ZNF536: variants seen among roughly 807,000 people sequenced by gnomAD.
ZNF536 encodes zinc finger protein 536.
Under a neutral mutation model 84.5 loss-of-function variants are expected in ZNF536, and 13 were observed. That is an observed-to-expected ratio of 0.15 (90% CI 0.10 to 0.24). The LOEUF (loss-of-function observed/expected upper bound fraction) is 0.24. ZNF536 is among the 10% of genes least tolerant of loss of function. The pLI is 1.00. For missense variants in ZNF536, 1,536 were observed against 1,747.5 expected (o/e 0.88, Z 2.16); for synonymous variants, 811 against 742.5 (o/e 1.09, Z -1.50).
intron 3 of ZNF536, among the ~76,000 whole-genome samples, chr19:30,539,129 A>T (rs1027282137): frequency 6.6e-6 from 1 of 152,054 alleles, no homozygotes; most frequent in Admixed American, 6.6e-5. Flanking sequence ...CCCCCCCCAC[A>T]CACACACACG....
At chr19:30,580,428 T>G (rs1398962345) in intron 1 of ZNF536, among the ~76,000 whole-genome samples, 1 of 152,204 alleles carries the variant, frequency 6.6e-6, no homozygotes, top group African/African-American at 2.4e-5. Flanking sequence ...GTGGGTGTAC[T>G]CAGCACAACT....
intron 1 of ZNF536, among the ~76,000 whole-genome samples, chr19:30,240,929 ACT>A (rs1305137322): frequency 1.3e-5 from 2 of 152,148 alleles, no homozygotes; most frequent in African/African-American, 4.8e-5. Flanking sequence ...GAGATTTGGA[ACT>A]GTTTGGGGTC....
chr19:30,252,721 G>T (rs1394886462), intron 1 of ZNF536, among the ~76,000 whole-genome samples: 1 of 152,184 alleles, frequency 6.6e-6, no homozygotes, highest in Non-Finnish European at 1.5e-5. Flanking sequence ...AGCTGGGTTG[G>T]AGACCAAGAT....
chr19:30,592,691 GT>G (rs67892314), intron 1 of ZNF536, among the ~76,000 whole-genome samples: 3,626 of 143,206 alleles, frequency 0.025, 131 homozygotes, highest in African/African-American at 0.084. Flanking sequence ...TATCTTCTGG[GT>G]TTTTTTTTTT....
At chr19:30,678,598 T>C (rs912010130) in intron 1 of ZNF536, among the ~76,000 whole-genome samples, 26 of 152,188 alleles carry the variant, frequency 1.7e-4, no homozygotes, top group African/African-American at 5.8e-4. Context: ...GGCATGATAT[T>C]GCTCTTGAAA....
intron 2 of ZNF536, among the ~76,000 whole-genome samples, chr19:30,504,489 T>C (rs2055082997): frequency 9.1e-6 from 1 of 110,018 alleles, no homozygotes; most frequent in Admixed American, 9.4e-5. Context: ...TCTCCCTTCC[T>C]CCCTCCCACC....
chr19:30,435,775 C>G (rs1369089614), intron 1 of ZNF536, among the ~76,000 whole-genome samples: 1 of 152,138 alleles, frequency 6.6e-6, no homozygotes, highest in Non-Finnish European at 1.5e-5. Flanking sequence ...CAGAAGTCTT[C>G]TCTACTCAGA....
At chr19:30,591,348 G>A (rs531568156) in intron 1 of ZNF536, among the ~76,000 whole-genome samples, 1 of 152,144 alleles carries the variant, frequency 6.6e-6, no homozygotes, top group Non-Finnish European at 1.5e-5. Context: ...AAAGGCAAGA[G>A]GTTTAATGGA....
rs543997083 is a variant in ZNF536 at position 30,484,921 on chromosome 19, A to G, written c.2170+39189A>G. ...CACTTTGGGAGGCCGAGGAGGGTGG[A>G]TCACCAGGTCAGGAAATCAAGACCA... On this transcript the variant is annotated intron_variant, in intron 2 of 4. Coordinates refer to ENST00000355537, the MANE Select transcript of ZNF536 (RefSeq NM_014717.3). Among the ~76,000 whole-genome samples the G allele has an allele frequency of 1.8e-3, 275 of 152,048 alleles. 1 individual carries two copies. The highest frequency in any genetic ancestry group is 6.2e-3 in the African/African-American group (257 of 41,510).
chr19:30,491,699 G>T (rs2054515838), intron 2 of ZNF536, among the ~76,000 whole-genome samples: 1 of 152,196 alleles, frequency 6.6e-6, no homozygotes, highest in African/African-American at 2.4e-5. Flanking sequence ...ATAGGTGCTA[G>T]AAATCACAAT....
intron 2 of ZNF536, among the ~76,000 whole-genome samples, chr19:30,483,262 C>T (rs1331817441): frequency 1.3e-5 from 2 of 152,196 alleles, no homozygotes; most frequent in African/African-American, 4.8e-5. Flanking sequence ...GGTCAGTGAG[C>T]AAGGTGGCTC....
At chr19:30,260,068 G>A (rs917515300) in intron 1 of ZNF536, among the ~76,000 whole-genome samples, 5 of 151,968 alleles carry the variant, frequency 3.3e-5, no homozygotes, top group Admixed American at 6.6e-5. Context: ...CCCAGCTATT[G>A]GATGCTTCTT....
intron 1 of ZNF536, among the ~76,000 whole-genome samples, chr19:30,638,634 C>A (rs2049157378): frequency 6.6e-6 from 1 of 152,194 alleles, no homozygotes; most frequent in Non-Finnish European, 1.5e-5. Context: ...CCAGGCCCCA[C>A]CTCCAACATT....
chr19:30,257,960 C>T (rs2024998593), intron 1 of ZNF536, among the ~76,000 whole-genome samples: 1 of 152,186 alleles, frequency 6.6e-6, no homozygotes, highest in South Asian at 2.1e-4. Context: ...CATCCTGTCA[C>T]TAGGGTTTTT....
At chr19:30,377,172 G>A (rs1324688540) in intron 1 of ZNF536, among the ~76,000 whole-genome samples, 1 of 152,134 alleles carries the variant, frequency 6.6e-6, no homozygotes, top group Non-Finnish European at 1.5e-5. Context: ...TAGACTGAAG[G>A]CCTCATGAGG....
chr19:30,380,180 T>A lies in ZNF536; in HGVS notation c.-3+7624T>A, dbSNP rs187749778. On this transcript the variant is annotated intron_variant, in intron 1 of 4. Coordinates refer to ENST00000355537, the MANE Select transcript of ZNF536 (RefSeq NM_014717.3). ...GCATTCTTCAGGGAGGGCCTTTCTGTGAAAACAGATTTTTTTTTTTGCCAG... is the reference window on the plus strand; with the variant it reads ...GCATTCTTCAGGGAGGGCCTTTCTGAGAAAACAGATTTTTTTTTTTGCCAG... Among the ~76,000 whole-genome samples the A allele has an allele frequency of 7.2e-5, 11 of 152,238 alleles. No individual in the cohort carries two copies. The East Asian group carries it at 2.1e-3, about 29-fold the overall frequency.
chr19:30,541,738 G>A (rs2045340012), intron 3 of ZNF536, among the ~76,000 whole-genome samples: 1 of 152,172 alleles, frequency 6.6e-6, no homozygotes, highest in Admixed American at 6.5e-5. Context: ...ACTGCAGTGG[G>A]TGATATTTCA....
At chr19:30,519,825 G>A (rs919871733) in intron 2 of ZNF536, among the ~76,000 whole-genome samples, 1 of 152,228 alleles carries the variant, frequency 6.6e-6, no homozygotes, top group African/African-American at 2.4e-5. Flanking sequence ...AGGGACACAA[G>A]AGTGAGAAAA....
Position 30,624,407 on chromosome 19 carries a change from C to T in ZNF536, c.169+74893C>T, listed in dbSNP as rs148254414. Reference sequence around the variant, plus strand: ...GCTAGCTCCCCTGGGAATCTGAGCCCGAGCCCAGAATGATCTAACAGTGTT... The same window carrying T: ...GCTAGCTCCCCTGGGAATCTGAGCCTGAGCCCAGAATGATCTAACAGTGTT... On this transcript the variant is annotated intron_variant, in intron 1 of 1. Coordinates refer to the ZNF536 transcript ENST00000592773. 2.2e-4 allele frequency among the ~76,000 whole-genome samples: 34 copies of T among 152,262 alleles called. 1 individual carries two copies. In the East Asian group the frequency reaches 4.8e-3, roughly 22 times the overall value.
Sources: allele counts gnomAD v4.1 joint callset (sites outside exome capture counted in the v4.1 genomes callset), GRCh38; gene constraint gnomAD v4.1.1; transcripts MANE v1.5; gene names NCBI Gene and HGNC (gene_info 2026-07-23, HGNC 2026-07-21).